PHF8: variants seen among roughly 807,000 people sequenced by gnomAD.
The protein encoded by PHF8 is PHD finger protein 8, also known as histone lysine demethylase PHF8.
A neutral mutation model predicts 74.4 loss-of-function variants in PHF8; 9 were observed. The observed-to-expected ratio is 0.12, with a 90% CI of 0.07 to 0.21. The LOEUF (loss-of-function observed/expected upper bound fraction) is 0.21. PHF8 is among the 10% of genes least tolerant of loss of function. PHF8 has a pLI of 1.00. For synonymous variants in PHF8, 311 were observed against 316.6 expected, an observed-to-expected ratio of 0.98 and a Z score of 0.19; for missense variants, 478 against 816.6, an observed-to-expected ratio of 0.59 and a Z score of 5.05.
rs376753978 is a variant in PHF8, at chrX:53,961,665, T to C, written c.2539+1179A>G. The stretch of plus-strand genomic sequence containing the variant: ...ACATTTACTGATTAACTCACTAACA[T>C]AACACTTCTGAGGAATGCCCTGCTA... On this transcript the variant is annotated intron_variant, in intron 19 of 21. Coordinates refer to ENST00000338154, the MANE Select transcript of PHF8 (RefSeq NM_015107.3). Among the ~76,000 whole-genome samples the C allele has an allele frequency of 6.3e-5, 7 of 110,755 alleles. No homozygotes were observed. The East Asian group carries it at 1.7e-3, about 27-fold the overall frequency.
intron 2 of PHF8, among the ~76,000 whole-genome samples, chrX:54,025,048 T>C (rs1486983365): frequency 9.1e-6 from 1 of 109,697 alleles, no homozygotes; most frequent in African/African-American, 3.3e-5. Flanking sequence ...AGCTAATTTT[T>C]TGTATTTTTA....
In PHF8 at chrX:53,938,883, G is replaced by C; in HGVS notation, c.*275C>G. ...ACAGACAAGGCAGGTGACGGGAGTG[G>C]TTTGGACGAGTAGAAAAGAGGGTTC... On this transcript the variant is annotated 3_prime_UTR_variant, in exon 22 of 22. Coordinates refer to ENST00000338154, the MANE Select transcript of PHF8 (RefSeq NM_015107.3). The C allele has an allele frequency of 1.1e-6, 1 of 922,345 alleles. No homozygotes were observed. Among genetic ancestry groups the C allele is most frequent in the African/African-American group, 2.0e-5 (1 of 49,807 alleles). 76.0% of individuals were successfully genotyped at this position (922,345 alleles called of 1,213,427 possible).
At chrX:53,975,049 C>A (rs1557095643) in intron 18 of PHF8, among the ~76,000 whole-genome samples, 1 of 111,491 alleles carries the variant, frequency 9.0e-6, no homozygotes, top group African/African-American at 3.3e-5. Context: ...TGCACATGTA[C>A]CCCAGAACTT....
chrX:53,948,907 C>A (rs2064874685), intron 19 of PHF8, among the ~76,000 whole-genome samples: 2 of 107,735 alleles, frequency 1.9e-5, no homozygotes, highest in South Asian at 4.2e-4. Flanking sequence ...TGCCTGTAAT[C>A]CCAGCTACTC....
chrX:54,038,078 C>G (rs1480046936), intron 2 of PHF8, among the ~76,000 whole-genome samples: 1 of 111,816 alleles, frequency 8.9e-6, no homozygotes, highest in African/African-American at 3.3e-5. Context: ...TCCCAGAAAT[C>G]AATAAATGCT....
chrX:54,016,869 G>C (rs2066079794), intron 5 of PHF8, 133 bp from the exon 6 acceptor site: 7 of 524,509 alleles, frequency 1.3e-5, no homozygotes, highest in Non-Finnish European at 2.3e-5. Flanking sequence ...ATATGTGTGT[G>C]TTTGTTTGGG....
At chrX:54,026,310 T>C (rs1048196958) in intron 2 of PHF8, among the ~76,000 whole-genome samples, 4 of 99,648 alleles carry the variant, frequency 4.0e-5, no homozygotes, top group Non-Finnish European at 6.0e-5. Flanking sequence ...GCCGAGATCA[T>C]GCCACTGCAC....
chrX:54,027,658 C>G (rs1311339591), intron 2 of PHF8, among the ~76,000 whole-genome samples: 1 of 111,323 alleles, frequency 9.0e-6, no homozygotes, highest in Non-Finnish European at 1.9e-5. Context: ...CCTGCCAACC[C>G]TGTACACTCT....
chrX:53,989,352 A>G (rs1023793565), intron 14 of PHF8, among the ~76,000 whole-genome samples: 1 of 112,206 alleles, frequency 8.9e-6, no homozygotes, highest in Non-Finnish European at 1.9e-5. Context: ...AAAATAACAA[A>G]TGTTGGCCAG....
chrX:54,027,916 T>C (rs782613557), intron 2 of PHF8, among the ~76,000 whole-genome samples: 27 of 107,454 alleles, frequency 2.5e-4, no homozygotes, highest in Middle Eastern at 4.7e-3. Context: ...TGAGAAGACC[T>C]AGGTAGAAAA....
chrX:54,020,117 C>T (rs1461907524), intron 4 of PHF8, among the ~76,000 whole-genome samples: 3 of 111,533 alleles, frequency 2.7e-5, no homozygotes, highest in African/African-American at 6.5e-5. Context: ...ACCCAGGAGG[C>T]GGAGGTTGCA....
rs782254795 is a variant in PHF8, at chrX:53,985,781, T to C, written c.2129+35A>G. 5.2e-5 allele frequency: 63 copies of C among 1,209,733 alleles called. No individual in the cohort carries two copies. The South Asian group carries it at 9.5e-4, about 18-fold the overall frequency. The stretch of plus-strand genomic sequence containing the variant: ...GGCGGGAGCGGGGGTTGCTGTCTGA[T>C]AGCCTGGAAAGGGGAGATAAAAGCC... On this transcript the variant is annotated intron_variant, in intron 17 of 21. Transcript: ENST00000338154.
At chrX:54,031,001 C>A (rs1482496705) in intron 2 of PHF8, among the ~76,000 whole-genome samples, 2 of 112,112 alleles carry the variant, frequency 1.8e-5, no homozygotes, top group African/African-American at 6.5e-5. Flanking sequence ...TCATCATCAT[C>A]ATCGTTAATA....
At chrX:53,945,882 C>G (rs2064826153) in intron 19 of PHF8, among the ~76,000 whole-genome samples, 1 of 112,286 alleles carries the variant, frequency 8.9e-6, no homozygotes, top group Non-Finnish European at 1.9e-5. Flanking sequence ...TTACTTGATA[C>G]ATAGCACATA....
rs781873758 is a variant in PHF8, at chrX:53,938,981, G to A, written c.*177C>T. ...GCAGGCAGGATGCTCTAGTGAAAGTGGGGAAGGGAACTAGAAGGAGTCGGT... is the reference window on the plus strand; with the variant it reads ...GCAGGCAGGATGCTCTAGTGAAAGTAGGGAAGGGAACTAGAAGGAGTCGGT... On this transcript the variant is annotated 3_prime_UTR_variant, in exon 22 of 22. Transcript: ENST00000338154. The A allele has an allele frequency of 9.9e-7, 1 of 1,013,503 alleles. No homozygotes were observed. The highest frequency in any genetic ancestry group is 4.5e-5 in the Admixed American group (1 of 22,429). The allele number at this position is 1,013,503 out of a possible 1,213,427, so 83.5% of individuals were successfully genotyped here.
At chrX:53,957,401 A>T (rs2065031372) in intron 19 of PHF8, among the ~76,000 whole-genome samples, 1 of 109,444 alleles carries the variant, frequency 9.1e-6, no homozygotes, top group Non-Finnish European at 1.9e-5. Context: ...GGTGCCTGTA[A>T]TCCCAGCTAC....
chrX:53,948,874 A>C (rs1283420893), intron 19 of PHF8, among the ~76,000 whole-genome samples: 3 of 106,468 alleles, frequency 2.8e-5, no homozygotes, highest in Non-Finnish European at 5.8e-5. Context: ...AATTACAAAA[A>C]ATTAGCCGGG....
chrX:53,996,430 A>ATTT lies in PHF8; in HGVS notation c.1234-651_1234-649dup, dbSNP rs782755270. ...CACCCAGCCTATGATATTTTTTGTA[A>ATTT]TTTTTTTTTTTTTTTTAGCTCATCA... On this transcript the variant is annotated intron_variant, in intron 11 of 21. Coordinates refer to ENST00000338154, the MANE Select transcript of PHF8 (RefSeq NM_015107.3). 4.1e-5 allele frequency among the ~76,000 whole-genome samples: 4 copies of ATTT among 96,685 alleles called. No individual in the cohort carries two copies. In the East Asian group the frequency reaches 9.6e-4, roughly 23 times the overall value. The allele number at this position is 96,685 out of a possible 115,157, so 84.0% of individuals were successfully genotyped here.
chrX:53,940,115 G>T, intron 21 of PHF8, 65 bp downstream of exon 21: 2 of 890,215 alleles, frequency 2.2e-6, no homozygotes, highest in Non-Finnish European at 3.2e-6. Context: ...ATCTACTAGA[G>T]CACTTAGGAT....
Sources: allele counts gnomAD v4.1 joint callset (sites outside exome capture counted in the v4.1 genomes callset), GRCh38; gene constraint gnomAD v4.1.1; transcripts MANE v1.5; gene names NCBI Gene and HGNC (gene_info 2026-07-23, HGNC 2026-07-21).